The following POTEB variants were observed in gnomAD, a reference collection of about 807,000 sequenced individuals.
POTEB encodes the protein ANKRD26-like family B, member 1.
At chr15:21,854,801 T>C (rs1174573571) in intron 9 of POTEB, among the ~76,000 whole-genome samples, 3 of 145,956 alleles carry the variant, frequency 2.1e-5, no homozygotes, top group Non-Finnish European at 4.6e-5. Context: ...ATAAAAATTA[T>C]ACACATGTGG....
At chr15:21,870,364 C>T (rs1257951397) in intron 3 of POTEB, among the ~76,000 whole-genome samples, 3 of 64,234 alleles carry the variant, frequency 4.7e-5, no homozygotes, top group African/African-American at 1.5e-4. Flanking sequence ...GATCTGTGAC[C>T]GCACCACTGC....
rs1378742867 is a variant in POTEB, at chr15:21,871,404, C to CACACAAACAA, written c.699+602_699+603insTTGTTTGTGT. Among the ~76,000 whole-genome samples, 71 of 19,280 alleles carry CACACAAACAA rather than the reference C, an allele frequency of 3.7e-3. 12 individuals are homozygous for CACACAAACAA. Among genetic ancestry groups the CACACAAACAA allele is most frequent in the Admixed American group, 0.01 (10 of 988 alleles). The allele number at this position is 19,280 out of a possible 152,430, so 12.6% of individuals were successfully genotyped here. The stretch of plus-strand genomic sequence containing the variant: ...ACACACACACACACACACACACACA[C>CACACAAACAA]AAACAAAAACAAAAACAAAAACAAA... On this transcript the variant is annotated intron_variant, in intron 3 of 10. Coordinates refer to ENST00000439682, the MANE Select transcript of POTEB (RefSeq NM_001277304.2).
At chr15:21,871,338 GAAAC>G (rs1165817586) in intron 3 of POTEB, among the ~76,000 whole-genome samples, 8 of 5,892 alleles carry the variant, frequency 1.4e-3, no homozygotes, top group Admixed American at 5.0e-3. Context: ...CCATATAAAG[GAAAC>G]AAATGAATGA....
intron 9 of POTEB, among the ~76,000 whole-genome samples, chr15:21,854,775 A>G (rs1386070875): frequency 1.4e-5 from 2 of 146,874 alleles, no homozygotes; most frequent in African/African-American, 2.5e-5. Flanking sequence ...TATAACAATT[A>G]TATATTTTAA....
intron 9 of POTEB, among the ~76,000 whole-genome samples, chr15:21,854,548 A>G (rs1349169235): frequency 1.5e-4 from 22 of 150,800 alleles, no homozygotes; most frequent in South Asian, 4.2e-4. Context: ...TCTTGAGGAA[A>G]AACAATGCTG....
intron 3 of POTEB, among the ~76,000 whole-genome samples, chr15:21,871,711 GA>G (rs1176289859): frequency 1.0e-4 from 1 of 9,728 alleles, no homozygotes; most frequent in African/African-American, 2.0e-4. Context: ...ATTTGTTAGG[GA>G]AAAAAAAACT....
chr15:21,855,147 G>A (rs1198460200), intron 9 of POTEB, among the ~76,000 whole-genome samples: 2 of 148,508 alleles, frequency 1.3e-5, no homozygotes, highest in South Asian at 2.2e-4. Context: ...ATATGGTGAG[G>A]TGAATACCAA....
chr15:21,855,281 C>A (rs1417392924), intron 9 of POTEB, among the ~76,000 whole-genome samples: 1 of 148,374 alleles, frequency 6.7e-6, no homozygotes, highest in African/African-American at 2.4e-5. Context: ...ACCTGTGGGC[C>A]AAATCCAGGC....
chr15:21,854,249 GTCTCC>G (rs1889818908), intron 9 of POTEB, among the ~76,000 whole-genome samples: 1 of 132,526 alleles, frequency 7.5e-6, no homozygotes, highest in African/African-American at 2.7e-5. Flanking sequence ...GTGAAACTCT[GTCTCC>G]AAAAAAGAAA....
At chr15:21,854,462 A>G (rs1421788174) in intron 9 of POTEB, among the ~76,000 whole-genome samples, 1 of 150,408 alleles carries the variant, frequency 6.6e-6, no homozygotes, top group African/African-American at 2.4e-5. Flanking sequence ...CATTGGCTCA[A>G]ATATTGCTGA....
intron 9 of POTEB, among the ~76,000 whole-genome samples, chr15:21,855,024 T>A (rs1296450793): frequency 2.1e-5 from 3 of 144,794 alleles, no homozygotes; most frequent in East Asian, 4.0e-4. Context: ...ACAAAGTAAT[T>A]GATCACCATA....
chr15:21,871,353 A>T lies in POTEB; in HGVS notation c.699+654T>A, dbSNP rs1012390419. On this transcript the variant is annotated intron_variant, in intron 3 of 10. Transcript: ENST00000439682. ...CCATATAAAGGAAACAAATGAATGA[A>T]CAACAATAACAACACACACACACAC... Among the ~76,000 whole-genome samples, 2 of 9,946 alleles carry T rather than the reference A, an allele frequency of 2.0e-4. 1 individual carries two copies. Among genetic ancestry groups the T allele is most frequent in the African/African-American group, 4.1e-4 (2 of 4,892 alleles). The allele number at this position is 9,946 out of a possible 152,430, so 6.5% of individuals were successfully genotyped here. A position where few individuals can be genotyped will look rare whatever the true frequency, so the allele number is the denominator to read the frequency against.
At chr15:21,871,403 ACAAAC>A (rs1314565821) in intron 3 of POTEB, among the ~76,000 whole-genome samples, 1 of 20,056 alleles carries the variant, frequency 5.0e-5, no homozygotes. Flanking sequence ...ACACACACAC[ACAAAC>A]AAAAACAAAA....
intron 9 of POTEB, among the ~76,000 whole-genome samples, chr15:21,855,148 T>C (rs577091026): frequency 1.1e-4 from 16 of 148,454 alleles, no homozygotes; most frequent in African/African-American, 3.9e-4. Flanking sequence ...TATGGTGAGG[T>C]GAATACCAAA....
chr15:21,862,458 AG>A (rs1301643553), intron 6 of POTEB: 2 of 28,302 alleles, frequency 7.1e-5, no homozygotes, highest in Admixed American at 7.8e-4. Flanking sequence ...CTACTGCAAA[AG>A]CTTCCTTTGT....
At chr15:21,847,419 C>T (rs1182524092) in intron 10 of POTEB, among the ~76,000 whole-genome samples, 4 of 63,338 alleles carry the variant, frequency 6.3e-5, no homozygotes, top group African/African-American at 2.0e-4. Flanking sequence ...TCTGATGCTA[C>T]TGTTAGTGAT....
rs1555380355 is a variant in POTEB at position 21,871,404 on chromosome 15, CAA to C, written c.699+601_699+602del. ...ACACACACACACACACACACACACA[CAA>C]ACAAAAACAAAAACAAAAACAAAAA... On this transcript the variant is annotated intron_variant, in intron 3 of 10. Transcript: ENST00000439682. Among the ~76,000 whole-genome samples, 30 of 19,272 alleles carry C rather than the reference CAA, an allele frequency of 1.6e-3. 1 individual carries two copies. Among genetic ancestry groups the C allele is most frequent in the African/African-American group, 3.4e-3 (27 of 7,848 alleles). 12.6% of individuals were successfully genotyped at this position (19,272 alleles called of 152,430 possible). A position where few individuals can be genotyped will look rare whatever the true frequency, so the allele number is the denominator to read the frequency against.
chr15:21,855,248 A>G (rs1272111695), intron 9 of POTEB, among the ~76,000 whole-genome samples: 2 of 148,394 alleles, frequency 1.3e-5, no homozygotes, highest in African/African-American at 4.9e-5. Flanking sequence ...CCTTCCTTTT[A>G]GCACAAGGGT....
chr15:21,851,669 A>C (rs565162884), intron 9 of POTEB, among the ~76,000 whole-genome samples: 1 of 110,808 alleles, frequency 9.0e-6, no homozygotes, highest in Admixed American at 1.1e-4. Context: ...AGCTATTATT[A>C]ACCAATTCAT....
Sources: allele counts gnomAD v4.1 joint callset (sites outside exome capture counted in the v4.1 genomes callset), GRCh38; gene constraint gnomAD v4.1.1; transcripts MANE v1.5; gene names NCBI Gene and HGNC (gene_info 2026-07-23, HGNC 2026-07-21).